The following EXTL3 variants were observed in gnomAD, a reference collection of about 807,000 sequenced individuals.
The protein encoded by EXTL3 is exostosin like glycosyltransferase 3.
Under a neutral mutation model 69.3 loss-of-function variants are expected in EXTL3, and 27 were observed. The observed-to-expected ratio is 0.39, with a 90% CI of 0.29 to 0.54. The LOEUF is 0.54. Among genes scored for constraint, EXTL3 ranks in the 20% least tolerant of loss-of-function variants. The pLI is 0.69. For synonymous variants in EXTL3, 511 were observed against 499.4 expected (o/e 1.02, Z -0.31); for missense variants, 1,003 against 1,231.8 (o/e 0.81, Z 2.78).
intron 3 of EXTL3, among the ~76,000 whole-genome samples, chr8:28,719,449 C>G (rs1332781789): frequency 6.6e-6 from 1 of 152,202 alleles, no homozygotes; most frequent in Non-Finnish European, 1.5e-5. Context: ...TTCTTGTATC[C>G]TCTCTACATC....
Position 28,750,980 on chromosome 8 carries a change from G to C in EXTL3, c.*114G>C. 1.2e-6 allele frequency: 1 copy of C among 854,808 alleles called. No homozygotes were observed. The allele number at this position is 854,808 out of a possible 1,614,324, so 53.0% of individuals were successfully genotyped here. ...TGCTGGTGGGTGGCCCAGAGCCTCTGCTGGAAGGGGCAGCAGGAGGAGTGG... is the reference window on the plus strand; with the variant it reads ...TGCTGGTGGGTGGCCCAGAGCCTCTCCTGGAAGGGGCAGCAGGAGGAGTGG... On this transcript the variant is annotated 3_prime_UTR_variant, in exon 7 of 7. Coordinates refer to ENST00000220562, the MANE Select transcript of EXTL3 (RefSeq NM_001440.4). The surrounding 1 kb of genome is among the most constrained non-coding windows in gnomAD (Gnocchi z 5.2).
At chr8:28,631,859 T>C (rs990052875) in intron 1 of EXTL3, among the ~76,000 whole-genome samples, 2 of 137,954 alleles carry the variant, frequency 1.4e-5, no homozygotes, top group African/African-American at 5.5e-5. Context: ...GGAGGCCGAG[T>C]TGGGTGGATC....
intron 1 of EXTL3, among the ~76,000 whole-genome samples, chr8:28,627,198 A>T (rs1329790176): frequency 6.6e-6 from 1 of 151,030 alleles, no homozygotes; most frequent in East Asian, 2.0e-4. Flanking sequence ...AAAAAAAAAA[A>T]ATTAAAAAAA....
rs369285182 is a variant in EXTL3 at position 28,754,060 on chromosome 8, G to GTGTGTGTGTA, written c.*3195_*3196insGTGTGTGTAT. On this transcript the variant is annotated 3_prime_UTR_variant, in exon 7 of 7. Coordinates refer to ENST00000220562, the MANE Select transcript of EXTL3 (RefSeq NM_001440.4). ...TGTGTGTGTGTGTGTGTGTGTGTGT[G>GTGTGTGTGTA]TAGTGGTTGTGGGGAGCTGTGTGTG... 0.072 allele frequency: 11,046 copies of GTGTGTGTGTA among 152,494 alleles called. 516 individuals carry two copies. Among genetic ancestry groups the GTGTGTGTGTA allele is most frequent in the South Asian group, 0.12 (572 of 4,816 alleles). The allele number at this position is 152,494 out of a possible 1,614,324, so 9.4% of individuals were successfully genotyped here.
At chr8:28,655,551 C>T (rs1806996479) in intron 1 of EXTL3, among the ~76,000 whole-genome samples, 1 of 146,844 alleles carries the variant, frequency 6.8e-6, no homozygotes, top group Non-Finnish European at 1.5e-5. Context: ...AGTGCAGTGG[C>T]ACGATCATAG....
At chr8:28,719,031 T>A (rs953039665) in intron 3 of EXTL3, among the ~76,000 whole-genome samples, 2 of 152,160 alleles carry the variant, frequency 1.3e-5, no homozygotes, top group African/African-American at 4.8e-5. Flanking sequence ...GAGCAGGTCT[T>A]AAGCAGACTG....
At position 28,750,063 on chromosome 8, in the gene EXTL3, G is replaced by C. The variant is rs575870413; in HGVS notation, c.2551-594G>C. On this transcript the variant is annotated intron_variant, in intron 6 of 6. Coordinates refer to ENST00000220562, the MANE Select transcript of EXTL3 (RefSeq NM_001440.4). The surrounding 1 kb of genome is among the most constrained non-coding windows in gnomAD (Gnocchi z 5.2). ...TCTTGCATGTTCAGGTGTTCTGAGG[G>C]GTTTTTATGCCATTCGGCCTGCCAC... is the stretch of plus-strand genomic sequence containing the variant. 4.6e-5 allele frequency among the ~76,000 whole-genome samples: 7 copies of C among 152,270 alleles called. No homozygotes were observed. The East Asian group carries it at 1.3e-3, about 29-fold the overall frequency.
At chr8:28,725,791 G>A (rs1801399503) in intron 3 of EXTL3, among the ~76,000 whole-genome samples, 1 of 152,062 alleles carries the variant, frequency 6.6e-6, no homozygotes, top group Admixed American at 6.6e-5. Context: ...TGGGGTTGAG[G>A]GAAGAGTGTT....
chr8:28,727,845 C>A (rs1158562634), intron 3 of EXTL3, among the ~76,000 whole-genome samples: 1 of 152,208 alleles, frequency 6.6e-6, no homozygotes, highest in Admixed American at 6.5e-5. Context: ...GCCTGCACTC[C>A]TACAGGCTCC....
At chr8:28,742,298 A>C (rs1801796535) in intron 5 of EXTL3, 1 of 152,204 alleles carries the variant, frequency 6.6e-6, no homozygotes, top group African/African-American at 2.4e-5. Flanking sequence ...GTTTAACAAC[A>C]AGCTGACAAC....
chr8:28,720,420 T>TAA (rs937642957), intron 3 of EXTL3, among the ~76,000 whole-genome samples: 4 of 152,208 alleles, frequency 2.6e-5, no homozygotes, highest in African/African-American at 9.6e-5. Flanking sequence ...AGGTTCCCAC[T>TAA]AAGCAACAGG....
chr8:28,683,906 A>G (rs571926942), intron 1 of EXTL3, among the ~76,000 whole-genome samples: 70 of 152,040 alleles, frequency 4.6e-4, no homozygotes, highest in African/African-American at 1.6e-3. Flanking sequence ...GTGCCCATTA[A>G]CCATCCCCCC....
At position 28,750,892 on chromosome 8, in the gene EXTL3, G is replaced by A. The variant is rs766950696; in HGVS notation, c.*26G>A. ...GGGCAGCGCACGGTCTGGGGAAGAGGATGAGCAGAGGGAGGAAGATGGCTC... is the reference window on the plus strand; with the variant it reads ...GGGCAGCGCACGGTCTGGGGAAGAGAATGAGCAGAGGGAGGAAGATGGCTC... On this transcript the variant is annotated 3_prime_UTR_variant, in exon 7 of 7. Transcript: ENST00000220562. This position sits in a 1 kb window ranked among gnomAD's most constrained non-coding sequence, Gnocchi z 5.2. 8 of 1,601,572 alleles carry A rather than the reference G, an allele frequency of 5.0e-6. No individual in the cohort carries two copies. The highest frequency in any genetic ancestry group is 6.8e-6 in the Non-Finnish European group (8 of 1,169,666).
At chr8:28,672,838 T>C (rs150229334) in intron 1 of EXTL3, among the ~76,000 whole-genome samples, 1 of 152,192 alleles carries the variant, frequency 6.6e-6, no homozygotes, top group Non-Finnish European at 1.5e-5. Context: ...TCATCTTGAA[T>C]TGTGGCTTCC....
chr8:28,651,510 A>G (rs1585232034), intron 1 of EXTL3, among the ~76,000 whole-genome samples: 1 of 152,030 alleles, frequency 6.6e-6, no homozygotes, highest in East Asian at 1.9e-4. Flanking sequence ...TTTTTTGTAG[A>G]GACATGCTCT....
intron 3 of EXTL3, among the ~76,000 whole-genome samples, chr8:28,724,755 G>T (rs1440122743): frequency 6.6e-6 from 1 of 152,152 alleles, no homozygotes; most frequent in Non-Finnish European, 1.5e-5. Context: ...AGCCGAGATC[G>T]TGCCACTGCA....
chr8:28,622,054 CCT>C (rs1377916076), upstream of EXTL3, among the ~76,000 whole-genome samples: 1 of 152,106 alleles, frequency 6.6e-6, no homozygotes, highest in Non-Finnish European at 1.5e-5. Flanking sequence ...AATTTTAGCC[CCT>C]GTCACACAGA....
At chr8:28,611,859 T>A (rs763220789) in intron 2 of EXTL3, among the ~76,000 whole-genome samples, 1 of 152,220 alleles carries the variant, frequency 6.6e-6, no homozygotes, top group African/African-American at 2.4e-5. Context: ...GAACCGAGTC[T>A]GTTCGCTGCG....
chr8:28,737,452 CTG>C, intron 4 of EXTL3, 65 bp from the exon 5 acceptor site: 1 of 1,568,294 alleles, frequency 6.4e-7, no homozygotes. Flanking sequence ...GAGGCAATAA[CTG>C]TGAACACTTC....
Sources: gnomAD v4.1 joint callset for allele counts (sites outside exome capture counted in the v4.1 genomes callset) on GRCh38, gnomAD v4.1.1 for gene constraint, Gnocchi (gnomAD v3.1) non-coding constraint, MANE v1.5 for transcripts, NCBI Gene and HGNC (gene_info 2026-07-23, HGNC 2026-07-21) for gene names.